TET1: variants seen among roughly 807,000 people sequenced by gnomAD.
The protein encoded by TET1 is tet methylcytosine dioxygenase 1.
A neutral mutation model predicts 148.7 loss-of-function variants in TET1; 13 were observed. The ratio of observed to expected loss-of-function variants is 0.09; its 90% confidence interval spans 0.06 to 0.14. The LOEUF (loss-of-function observed/expected upper bound fraction) is 0.14. Ranked by LOEUF, TET1 falls within the 10% of genes least tolerant of loss-of-function variation. The pLI is 1.00. For missense variants in TET1, 2,182 were observed against 2,553.8 expected (o/e 0.85, Z 3.14); for synonymous variants, 907 against 937.2 (o/e 0.97, Z 0.59).
intron 7 of TET1, among the ~76,000 whole-genome samples, chr10:68,671,130 A>G (rs115123119): frequency 0.018 from 2,688 of 152,164 alleles, 86 homozygotes; most frequent in African/African-American, 0.062. Context: ...TTTGTTGTGC[A>G]GATTATTTCA....
At chr10:68,648,134 T>A (rs1418431069) in intron 4 of TET1, among the ~76,000 whole-genome samples, 1 of 152,210 alleles carries the variant, frequency 6.6e-6, no homozygotes, top group Non-Finnish European at 1.5e-5. Flanking sequence ...ACCAATGTAT[T>A]TCTACATTTT....
intron 3 of TET1, among the ~76,000 whole-genome samples, chr10:68,641,075 C>CA (rs1317873424): frequency 6.6e-6 from 1 of 150,928 alleles, no homozygotes; most frequent in African/African-American, 2.4e-5. Flanking sequence ...GTAACTGTGA[C>CA]AGGTTGTATG....
At chr10:68,663,039 T>G (rs2055145020) in intron 6 of TET1, among the ~76,000 whole-genome samples, 1 of 152,250 alleles carries the variant, frequency 6.6e-6, no homozygotes, top group African/African-American at 2.4e-5. Flanking sequence ...GAGAATTACC[T>G]GTTGGGTACA....
chr10:68,589,200 C>A (rs2132835474), intron 2 of TET1, among the ~76,000 whole-genome samples: 1 of 152,148 alleles, frequency 6.6e-6, no homozygotes, highest in Middle Eastern at 3.4e-3. Flanking sequence ...TCTTCACTAT[C>A]ATGGTAATGA....
At chr10:68,651,253 T>C (rs1279810521) in intron 4 of TET1, among the ~76,000 whole-genome samples, 3 of 151,940 alleles carry the variant, frequency 2.0e-5, no homozygotes, top group Non-Finnish European at 4.4e-5. Flanking sequence ...ATTGAGACCA[T>C]CCTGGCTAAC....
At chr10:68,681,695 G>C (rs1022430632) in intron 9 of TET1, among the ~76,000 whole-genome samples, 1 of 152,074 alleles carries the variant, frequency 6.6e-6, no homozygotes. Flanking sequence ...GGCCAAGCTC[G>C]TTAGCTCACG....
At chr10:68,569,572 G>C (rs1590155704) in intron 1 of TET1, among the ~76,000 whole-genome samples, 1 of 152,204 alleles carries the variant, frequency 6.6e-6, no homozygotes, top group South Asian at 2.1e-4. Context: ...GCTCAGGAAA[G>C]AGATAATTTT....
chr10:68,663,910 G>A (rs1040529914), intron 6 of TET1, among the ~76,000 whole-genome samples: 15 of 152,112 alleles, frequency 9.9e-5, no homozygotes, highest in African/African-American at 2.7e-4. Flanking sequence ...TCCAAGCCTC[G>A]AATATTCAAG....
At chr10:68,624,104 C>CTTTTTTTTT (rs71019040) in intron 3 of TET1, among the ~76,000 whole-genome samples, 2 of 146,058 alleles carry the variant, frequency 1.4e-5, no homozygotes, top group African/African-American at 5.0e-5. Flanking sequence ...TCTTTCTTTT[C>CTTTTTTTTT]TTTTTTTTTT....
At chr10:68,600,957 A>G (rs758278894) in intron 2 of TET1, 24 bp from the exon 3 acceptor site, 17 of 1,593,610 alleles carry the variant, frequency 1.1e-5, no homozygotes, top group Non-Finnish European at 2.6e-6. Flanking sequence ...ACAGAGGCTC[A>G]TTTTGCAATT....
At chr10:68,634,308 A>G (rs887928207) in intron 3 of TET1, among the ~76,000 whole-genome samples, 1 of 152,216 alleles carries the variant, frequency 6.6e-6, no homozygotes, top group Non-Finnish European at 1.5e-5. Flanking sequence ...TTGAAGAGCA[A>G]TGCTATACTC....
At chr10:68,630,759 T>C (rs542330010) in intron 3 of TET1, among the ~76,000 whole-genome samples, 5 of 152,182 alleles carry the variant, frequency 3.3e-5, no homozygotes, top group African/African-American at 9.6e-5. Flanking sequence ...AGTGGAGAGA[T>C]TGGACAGAGG....
At chr10:68,609,059 A>T (rs148558093) in intron 3 of TET1, among the ~76,000 whole-genome samples, 8 of 152,134 alleles carry the variant, frequency 5.3e-5, no homozygotes, top group African/African-American at 1.7e-4. Flanking sequence ...GCTGGAGTGC[A>T]GTGGCTCTGC....
At chr10:68,640,713 G>A (rs558585933) in intron 3 of TET1, among the ~76,000 whole-genome samples, 3 of 150,404 alleles carry the variant, frequency 2.0e-5, no homozygotes, top group Admixed American at 1.3e-4. Context: ...CACCACACCC[G>A]GCTAATTTTT....
chr10:68,658,397 C>T (rs1364151674), intron 6 of TET1, among the ~76,000 whole-genome samples: 4 of 152,098 alleles, frequency 2.6e-5, no homozygotes, highest in Non-Finnish European at 5.9e-5. Flanking sequence ...CCTCCACCTC[C>T]CAAAGTGCTG....
chr10:68,664,202 C>T (rs1420939765), intron 6 of TET1, among the ~76,000 whole-genome samples: 1 of 152,010 alleles, frequency 6.6e-6, no homozygotes, highest in African/African-American at 2.4e-5. Flanking sequence ...TTCATATGCT[C>T]ATCATCTATT....
intron 3 of TET1, among the ~76,000 whole-genome samples, chr10:68,606,713 T>TGAAAATATTCAC: frequency 6.6e-6 from 1 of 152,176 alleles, no homozygotes; most frequent in South Asian, 2.1e-4. Context: ...GAGTGGGTGT[T>TGAAAATATTCAC]GAAAATATTC....
intron 9 of TET1, 24 bp from the exon 10 acceptor site, chr10:68,682,812 T>G: frequency 6.2e-7 from 1 of 1,608,506 alleles, no homozygotes; most frequent in Non-Finnish European, 8.5e-7. Context: ...CTCTTAAGAT[T>G]GTGCTCCATG....
At chr10:68,594,501 G>A (rs758147648) in intron 2 of TET1, among the ~76,000 whole-genome samples, 5 of 152,098 alleles carry the variant, frequency 3.3e-5, no homozygotes, top group Non-Finnish European at 7.4e-5. Flanking sequence ...GGGAGAGTGG[G>A]GGAAGAGCAA....
Sources: allele counts gnomAD v4.1 joint callset (sites outside exome capture counted in the v4.1 genomes callset), GRCh38; gene constraint gnomAD v4.1.1; transcripts MANE v1.5; gene names NCBI Gene and HGNC (gene_info 2026-07-23, HGNC 2026-07-21).